Variants in DSCAM observed in about 807,000 individuals in gnomAD.
The protein encoded by DSCAM is cell adhesion molecule DSCAM.
DSCAM carries 47 observed loss-of-function variants against 217.7 expected under a neutral mutation model. That is an observed-to-expected ratio of 0.22 (90% CI 0.17 to 0.28). The LOEUF is 0.28. DSCAM is among the 10% of genes least tolerant of loss of function. The pLI is 1.00. For synonymous variants in DSCAM, 1,056 were observed against 1,015.3 expected (o/e 1.04, Z -0.76); for missense variants, 2,080 against 2,618.3 (o/e 0.79, Z 4.49).
chr21:40,189,566 T>C (rs2090933083), intron 11 of DSCAM, among the ~76,000 whole-genome samples: 2 of 152,200 alleles, frequency 1.3e-5, no homozygotes. Flanking sequence ...AAATCTCATC[T>C]GGAATTGTAT....
At chr21:40,592,091 G>T (rs879358821) in intron 3 of DSCAM, among the ~76,000 whole-genome samples, 3 of 152,004 alleles carry the variant, frequency 2.0e-5, no homozygotes, top group Non-Finnish European at 4.4e-5. Context: ...TTAAGAAGGT[G>T]GTCTACAACA....
At chr21:40,375,664 G>A (rs1186417279) in intron 3 of DSCAM, among the ~76,000 whole-genome samples, 1 of 152,140 alleles carries the variant, frequency 6.6e-6, no homozygotes, top group Non-Finnish European at 1.5e-5. Flanking sequence ...ATCTAGAATA[G>A]CAAGAACTCA....
intron 1 of DSCAM, among the ~76,000 whole-genome samples, chr21:40,837,826 A>G (rs1354817015): frequency 6.6e-6 from 1 of 152,204 alleles, no homozygotes; most frequent in Non-Finnish European, 1.5e-5. Context: ...GGGTGTCTTC[A>G]GCTCATTCCT....
At chr21:40,174,263 A>T (rs2090695819) in intron 15 of DSCAM, among the ~76,000 whole-genome samples, 1 of 152,174 alleles carries the variant, frequency 6.6e-6, no homozygotes, top group Non-Finnish European at 1.5e-5. Flanking sequence ...CGAGTGTATT[A>T]AAGTGGTATG....
At chr21:40,181,993 G>C (rs73904719) in intron 14 of DSCAM, among the ~76,000 whole-genome samples, 5,092 of 152,110 alleles carry the variant, frequency 0.033, 292 homozygotes, top group African/African-American at 0.12. Context: ...GGAGTGAAGA[G>C]CTGACAGGAG....
chr21:40,464,429 T>G (rs557001250), intron 3 of DSCAM, among the ~76,000 whole-genome samples: 28 of 152,310 alleles, frequency 1.8e-4, no homozygotes, highest in South Asian at 6.2e-4. Context: ...CACAGTCACT[T>G]AAATGTAAGG....
In DSCAM at chr21:40,048,067, A is replaced by C. The variant is rs535048929; in HGVS notation, c.5186-3792T>G. 8.5e-5 allele frequency among the ~76,000 whole-genome samples: 13 copies of C among 152,260 alleles called. No homozygotes were observed. In the South Asian group the frequency reaches 2.7e-3, roughly 32 times the overall value. ...CTGCCTGGGCTGGAAGTTCATATTC[A>C]CTACTCCCTGGCTGTGTCGCTGGCC... On this transcript the variant is annotated intron_variant, in intron 30 of 32. Coordinates refer to ENST00000400454, the MANE Select transcript of DSCAM (RefSeq NM_001389.5).
intron 19 of DSCAM, among the ~76,000 whole-genome samples, chr21:40,129,830 C>T (rs897764874): frequency 4.6e-5 from 7 of 152,196 alleles, no homozygotes; most frequent in African/African-American, 1.4e-4. Context: ...CAGCACACGT[C>T]ACAGGCACAC....
rs201198571 is a variant in DSCAM at position 40,266,670 on chromosome 21, T to TATAA, written c.2356+9426_2356+9427insTTAT. Among the ~76,000 whole-genome samples, 176 of 120,660 alleles carry TATAA rather than the reference T, an allele frequency of 1.5e-3. 1 individual carries two copies. The highest frequency in any genetic ancestry group is 3.2e-3 in the South Asian group (12 of 3,764). The allele number at this position is 120,660 out of a possible 152,430, so 79.2% of individuals were successfully genotyped here. ...ATATATATATATATATATATATATA[T>TATAA]AATCTTGAAATTTTATATATATAAA... is the stretch of plus-strand genomic sequence containing the variant. On this transcript the variant is annotated intron_variant, in intron 11 of 32. Coordinates refer to ENST00000400454, the MANE Select transcript of DSCAM (RefSeq NM_001389.5).
At chr21:40,093,600 A>G (rs989904810) in intron 21 of DSCAM, 121 bp downstream of exon 21, 8 of 1,235,316 alleles carry the variant, frequency 6.5e-6, no homozygotes, top group Admixed American at 2.4e-5. Context: ...TTCTTGAGCT[A>G]AAATGTGATA....
intron 11 of DSCAM, among the ~76,000 whole-genome samples, chr21:40,225,214 C>T (rs1189962731): frequency 6.6e-6 from 1 of 152,204 alleles, no homozygotes; most frequent in Non-Finnish European, 1.5e-5. Context: ...CATATGCGTA[C>T]TTGTATTTCC....
chr21:40,134,720 C>T (rs1402308539), intron 18 of DSCAM, among the ~76,000 whole-genome samples: 5 of 152,200 alleles, frequency 3.3e-5, no homozygotes, highest in Non-Finnish European at 7.3e-5. Flanking sequence ...GAGCATTTCA[C>T]ATTGGATACA....
At chr21:40,338,019 A>G in intron 8 of DSCAM, 82 bp downstream of exon 8, 1 of 1,541,238 alleles carries the variant, frequency 6.5e-7, no homozygotes, top group Non-Finnish European at 8.8e-7. Context: ...CAGATCTTGG[A>G]TTACCCGACT....
intron 32 of DSCAM, among the ~76,000 whole-genome samples, chr21:40,023,223 T>C (rs1316753663): frequency 6.6e-6 from 1 of 152,164 alleles, no homozygotes; most frequent in Admixed American, 6.5e-5. Flanking sequence ...TATGGCTGCA[T>C]AGTGTTCCAT....
intron 9 of DSCAM, among the ~76,000 whole-genome samples, chr21:40,300,332 C>T (rs2074001024): frequency 6.6e-6 from 1 of 152,168 alleles, no homozygotes; most frequent in Non-Finnish European, 1.5e-5. Context: ...CCTCTTCTTT[C>T]ATTTCTTTTT....
At chr21:40,832,972 C>A (rs2092024173) in intron 1 of DSCAM, among the ~76,000 whole-genome samples, 1 of 152,172 alleles carries the variant, frequency 6.6e-6, no homozygotes, top group African/African-American at 2.4e-5. Context: ...CATGCAAGAG[C>A]AAACCTAAAC....
At chr21:40,602,353 G>A (rs1162586854) in intron 3 of DSCAM, among the ~76,000 whole-genome samples, 5 of 152,122 alleles carry the variant, frequency 3.3e-5, no homozygotes, top group East Asian at 1.9e-4. Context: ...GAGACATAAC[G>A]TCAGCTCAGC....
At chr21:40,177,119 C>T (rs2090742570) in intron 15 of DSCAM, among the ~76,000 whole-genome samples, 2 of 152,180 alleles carry the variant, frequency 1.3e-5, no homozygotes. Flanking sequence ...ATGGGGACAG[C>T]TTATTCTCCC....
rs2089191218 is a variant in DSCAM at position 40,065,317 on chromosome 21, A to T, written c.4889-2418T>A. Among the ~76,000 whole-genome samples the T allele has an allele frequency of 4.6e-5, 7 of 152,206 alleles. No individual in the cohort carries two copies. In the South Asian group the frequency reaches 1.5e-3, roughly 32 times the overall value. ...TTGGAATCAAATTTGGAAAGATGCC[A>T]GGGCTGAGATGAGGGTCTGGGTGTT... On this transcript the variant is annotated intron_variant, in intron 27 of 32. Coordinates refer to ENST00000400454, the MANE Select transcript of DSCAM (RefSeq NM_001389.5).
Sources: allele counts gnomAD v4.1 joint callset (sites outside exome capture counted in the v4.1 genomes callset), GRCh38; gene constraint gnomAD v4.1.1; transcripts MANE v1.5; gene names NCBI Gene and HGNC (gene_info 2026-07-23, HGNC 2026-07-21).